SENP8: variants seen among roughly 807,000 people sequenced by gnomAD.
SENP8 encodes the protein sentrin-specific protease 8.
SENP8 carries 10 observed loss-of-function variants against 14.4 expected under a neutral mutation model. That is an observed-to-expected ratio of 0.69 (90% CI 0.43 to 1.18). The LOEUF is 1.18. SENP8 is among the 50% of genes most tolerant of loss of function. The pLI, the probability that SENP8 is intolerant of heterozygous loss-of-function variation, is 0.00. For missense variants in SENP8, 202 were observed against 249.4 expected, an observed-to-expected ratio of 0.81 and a Z score of 1.28; for synonymous variants, 94 against 95.5, an observed-to-expected ratio of 0.98 and a Z score of 0.09.
upstream of SENP8, chr15:72,118,180 A>G (rs1354700079): frequency 8.3e-6 from 3 of 362,578 alleles, no homozygotes; most frequent in African/African-American, 2.1e-5. Flanking sequence ...TACTGCCAGC[A>G]CGGGTCGGCC....
chr15:72,133,093 C>A (rs898524079), intron 1 of SENP8, among the ~76,000 whole-genome samples: 3 of 152,184 alleles, frequency 2.0e-5, no homozygotes, highest in Non-Finnish European at 4.4e-5. Context: ...ATCGCTTGAA[C>A]CCGGGAGGCA....
chr15:72,127,574 G>C (rs2081232650), intron 1 of SENP8, among the ~76,000 whole-genome samples: 1 of 152,160 alleles, frequency 6.6e-6, no homozygotes, highest in South Asian at 2.1e-4. Flanking sequence ...ACATTTTCAT[G>C]TAGGGTTTTG....
chr15:72,118,305 C>T (rs1443576288), upstream of SENP8: 3 of 249,946 alleles, frequency 1.2e-5, no homozygotes, highest in Non-Finnish European at 2.3e-5. Context: ...TCTTCTTCAC[C>T]TTACGGCAGA....
In SENP8 at chr15:72,139,683, A is replaced by C. The variant is rs1035700366; in HGVS notation, c.60A>C (p.Leu20=). 6.2e-7 allele frequency: 1 copy of C among 1,614,108 alleles called. No homozygotes were observed. Among genetic ancestry groups the C allele is most frequent in the Admixed American group, 1.7e-5 (1 of 60,006 alleles). The stretch of plus-strand genomic sequence containing the variant: ...TACTGCGGCAATCAGATGTCTCACT[A>C]TTGGATCCGCCAAGCTGGCTCAATG... ...DSLLRQSDVS[L]LDPPSWLNDH... Residue 20 remains leucine, a synonymous_variant, in exon 2 of 2, where the codon CTA becomes CTC. Transcript: ENST00000340912.
upstream of SENP8, among the ~76,000 whole-genome samples, chr15:72,115,752 A>C (rs566798338): frequency 6.6e-6 from 1 of 152,368 alleles, no homozygotes; most frequent in African/African-American, 2.4e-5. Context: ...GGAAGCTCAG[A>C]GGTTCAATGA....
chr15:72,127,962 C>T (rs914873888), intron 1 of SENP8, among the ~76,000 whole-genome samples: 6 of 152,078 alleles, frequency 3.9e-5, no homozygotes, highest in Non-Finnish European at 5.9e-5. Flanking sequence ...TGGTGGTATG[C>T]ACGTATAGTG....
chr15:72,118,227 G>A, upstream of SENP8: 2 of 346,628 alleles, frequency 5.8e-6, no homozygotes, highest in Non-Finnish European at 5.2e-6. Context: ...CGCCACTGGA[G>A]AGTACAGCGT....
chr15:72,122,499 A>G (rs928784955), intron 1 of SENP8, among the ~76,000 whole-genome samples: 1 of 152,256 alleles, frequency 6.6e-6, no homozygotes, highest in Non-Finnish European at 1.5e-5. Context: ...TGTACTTTTT[A>G]AATGTATTCT....
chr15:72,116,984 A>G (rs1395421124), upstream of SENP8: 1 of 152,208 alleles, frequency 6.6e-6, no homozygotes, highest in East Asian at 1.9e-4. Flanking sequence ...CATTAGGCTA[A>G]GCAAATATTC....
chr15:72,137,964 T>TC (rs1195294704), intron 1 of SENP8, among the ~76,000 whole-genome samples: 3 of 151,174 alleles, frequency 2.0e-5, no homozygotes, highest in African/African-American at 7.3e-5. Context: ...AGTGCGAGAC[T>TC]CCATCTCAAA....
chr15:72,130,829 C>T (rs1001157747), intron 1 of SENP8, among the ~76,000 whole-genome samples: 1 of 152,156 alleles, frequency 6.6e-6, no homozygotes, highest in African/African-American at 2.4e-5. Flanking sequence ...TCCCAAAGTG[C>T]TGGGATTACA....
At chr15:72,134,002 G>A (rs1431819120) in intron 1 of SENP8, among the ~76,000 whole-genome samples, 11 of 152,104 alleles carry the variant, frequency 7.2e-5, no homozygotes, top group Admixed American at 6.5e-4. Flanking sequence ...AGGCTGGAGT[G>A]CAGTGGCGCT....
intron 1 of SENP8, among the ~76,000 whole-genome samples, chr15:72,119,812 C>T (rs2081139979): frequency 6.6e-6 from 1 of 152,186 alleles, no homozygotes; most frequent in Non-Finnish European, 1.5e-5. Flanking sequence ...GAATGAGAAA[C>T]TTGAGCGGCG....
intron 1 of SENP8, among the ~76,000 whole-genome samples, chr15:72,135,668 T>A (rs2081321060): frequency 6.6e-6 from 1 of 152,236 alleles, no homozygotes; most frequent in Non-Finnish European, 1.5e-5. Context: ...AAACTTGCTG[T>A]CATGCTGTAT....
upstream of SENP8, chr15:72,117,726 G>A: frequency 2.5e-6 from 1 of 397,574 alleles, no homozygotes; most frequent in Non-Finnish European, 4.4e-6. Flanking sequence ...CTCTTCGACG[G>A]AAGCTGCCTT....
At chr15:72,118,308 A>C, upstream of SENP8, 1 of 233,326 alleles carries the variant, frequency 4.3e-6, no homozygotes, top group Non-Finnish European at 8.3e-6. Context: ...TCTTCACCTT[A>C]CGGCAGAGCA....
At chr15:72,125,661 T>C (rs2081210213) in intron 1 of SENP8, among the ~76,000 whole-genome samples, 1 of 152,116 alleles carries the variant, frequency 6.6e-6, no homozygotes, top group Admixed American at 6.5e-5. Flanking sequence ...GAAAGACTAT[T>C]TCGTGGTTAA....
intron 1 of SENP8, among the ~76,000 whole-genome samples, chr15:72,124,214 C>T (rs2081192874): frequency 6.6e-6 from 1 of 152,154 alleles, no homozygotes; most frequent in Non-Finnish European, 1.5e-5. Context: ...AGATATGTTT[C>T]ACTTCTGTAC....
intron 1 of SENP8, among the ~76,000 whole-genome samples, chr15:72,136,086 TTTGA>T (rs1472638560): frequency 6.6e-6 from 1 of 152,230 alleles, no homozygotes; most frequent in East Asian, 1.9e-4. Context: ...ATTGCTTTTG[TTTGA>T]TTGATCTGTG....
Sources: gnomAD v4.1 joint callset for allele counts (sites outside exome capture counted in the v4.1 genomes callset) on GRCh38, gnomAD v4.1.1 for gene constraint, MANE v1.5 for transcripts, NCBI Gene and HGNC (gene_info 2026-07-23, HGNC 2026-07-21) for gene names.